The following ABHD12 variants were observed in gnomAD, a reference collection of about 807,000 sequenced individuals.
ABHD12 encodes the protein abhydrolase domain containing 12, lysophospholipase, also known as lysophosphatidylserine lipase ABHD12.
A neutral mutation model predicts 58.3 loss-of-function variants in ABHD12; 43 were observed. That is an observed-to-expected ratio of 0.74 (90% CI 0.58 to 0.95). The LOEUF (loss-of-function observed/expected upper bound fraction) is 0.95, where lower values mean the gene tolerates loss of function less well. Ranked by LOEUF, ABHD12 falls within the 40% of genes least tolerant of loss-of-function variation. The probability of loss-of-function intolerance (pLI) is 0.00; values close to 1 mark genes in which losing one functional copy is unlikely to be tolerated. For missense variants in ABHD12, 539 were observed against 537.2 expected, an observed-to-expected ratio of 1.00 and a Z score of -0.03; for synonymous variants, 219 against 211.2, an observed-to-expected ratio of 1.04 and a Z score of -0.32.
intron 1 of ABHD12, among the ~76,000 whole-genome samples, chr20:25,356,690 TGTGGCAGAGTGGCAG>T (rs1443052924): frequency 3.3e-5 from 5 of 152,192 alleles, no homozygotes; most frequent in African/African-American, 9.6e-5. Context: ...CCAGGAGCAC[TGTGGCAGAGTGGCAG>T]GTGGCAGAGT....
intron 1 of ABHD12, among the ~76,000 whole-genome samples, chr20:25,341,559 T>C (rs1320875410): frequency 6.6e-6 from 1 of 152,196 alleles, no homozygotes; most frequent in Admixed American, 6.5e-5. Context: ...TTCTCCTTAA[T>C]GCTTGGTGGG....
At chr20:25,298,711 C>T (rs1407288666), downstream of ABHD12, among the ~76,000 whole-genome samples, 1 of 152,220 alleles carries the variant, frequency 6.6e-6, no homozygotes, top group East Asian at 1.9e-4. Context: ...CCCTGGGGAC[C>T]AAAGCATCGC....
In ABHD12 at chr20:25,309,450, T is replaced by C. The variant is rs746860735; in HGVS notation, c.745A>G (p.Thr249Ala). 39 of 1,613,998 alleles carry C rather than the reference T, an allele frequency of 2.4e-5. No homozygotes were observed. Among genetic ancestry groups the C allele is most frequent in the Non-Finnish European group, 3.3e-5 (39 of 1,179,998 alleles). The change falls in exon 7 of 13, where the codon ACT (threonine) becomes GCT (alanine). Residue 249 changes from threonine (T) to alanine (A), a missense_variant. Transcript: ENST00000339157. ...CCTCCTGCTGGGGTCCCTTACCCAG[T>C]GCCCAGAGAGTGGCCCCAGATGTAC... ...PVYIWGHSLG[T>A]GVATNLVRRL...
In ABHD12 at chr20:25,390,778, C is replaced by T; in HGVS notation, c.-75G>A. The T allele has an allele frequency of 9.6e-7, 1 of 1,038,274 alleles. No homozygotes were observed. Among genetic ancestry groups the T allele is most frequent in the Non-Finnish European group, 1.2e-6 (1 of 822,004 alleles). The allele number at this position is 1,038,274 out of a possible 1,614,324, so 64.3% of individuals were successfully genotyped here. A position where few individuals can be genotyped will look rare whatever the true frequency, so the allele number is the denominator to read the frequency against. On this transcript the variant is annotated 5_prime_UTR_variant, in exon 1 of 13. Coordinates refer to ENST00000339157, the MANE Select transcript of ABHD12 (RefSeq NM_001042472.3). The stretch of plus-strand genomic sequence containing the variant: ...CAGTGCCGCCGCTCACAGCCGCCGC[C>T]ACCCAGAGCCCGGAGCCCGGAACCC...
chr20:25,298,830 G>C (rs952574847), downstream of ABHD12, among the ~76,000 whole-genome samples: 1 of 152,172 alleles, frequency 6.6e-6, no homozygotes, highest in Admixed American at 6.5e-5. Context: ...GGGCCTCCTT[G>C]GCCTCAGACC....
At chr20:25,295,661 G>T (rs1130694), downstream of ABHD12, 2 of 1,613,392 alleles carry the variant, frequency 1.2e-6, no homozygotes, top group Non-Finnish European at 1.7e-6. Flanking sequence ...AGGTGGACCA[G>T]CTGTACCGGG....
intron 1 of ABHD12, among the ~76,000 whole-genome samples, chr20:25,360,492 G>T (rs2089732321): frequency 6.6e-6 from 1 of 151,944 alleles, no homozygotes; most frequent in African/African-American, 2.4e-5. Flanking sequence ...ACCCGCCTTG[G>T]CCTCCTAAAG....
chr20:25,319,477 C>T (rs7343481), intron 4 of ABHD12, among the ~76,000 whole-genome samples: 83,646 of 152,052 alleles, frequency 0.55, 23,629 homozygotes, highest in Admixed American at 0.62. Context: ...TTCAGCCTCT[C>T]CCTCCTGCCC....
intron 1 of ABHD12, among the ~76,000 whole-genome samples, chr20:25,384,374 T>A (rs1265710630): frequency 6.6e-6 from 1 of 150,962 alleles, no homozygotes; most frequent in Admixed American, 6.6e-5. Flanking sequence ...TCTGAGTTAC[T>A]TACCAATGTT....
chr20:25,315,221 G>A (rs769233988), intron 5 of ABHD12, among the ~76,000 whole-genome samples: 40 of 152,156 alleles, frequency 2.6e-4, no homozygotes, highest in African/African-American at 9.2e-4. Context: ...CTGCTTAGAC[G>A]CTAGGGGGCC....
chr20:25,362,769 G>T (rs534633921), intron 1 of ABHD12, among the ~76,000 whole-genome samples: 2 of 151,760 alleles, frequency 1.3e-5, no homozygotes, highest in East Asian at 2.0e-4. Context: ...CCAACTCCCG[G>T]GTTCAAGCAA....
rs1276450612 is a variant in ABHD12, at chr20:25,295,038, A to G, written c.1158-8T>C. ...CCTGGGCCCTGCTGAGGTCTGTGAT[A>G]AAGGAAGTGCTTTTAAAATTGTGAA... On this transcript the variant is annotated splice_polypyrimidine_tract_variant and splice_region_variant and intron_variant, in intron 12 of 12. Coordinates refer to the ABHD12 transcript ENST00000376542. 10 of 1,614,038 alleles carry G rather than the reference A, an allele frequency of 6.2e-6. No individual in the cohort carries two copies. Among genetic ancestry groups the G allele is most frequent in the African/African-American group, 1.3e-5 (1 of 74,946 alleles).
At chr20:25,334,091 A>G (rs1349450826) in intron 2 of ABHD12, among the ~76,000 whole-genome samples, 1 of 151,936 alleles carries the variant, frequency 6.6e-6, no homozygotes, top group Non-Finnish European at 1.5e-5. Context: ...CCTTAAGCTG[A>G]TAAGCAACTT....
At chr20:25,355,005 C>G (rs1411080630) in intron 1 of ABHD12, among the ~76,000 whole-genome samples, 1 of 152,122 alleles carries the variant, frequency 6.6e-6, no homozygotes, top group Non-Finnish European at 1.5e-5. Context: ...ACATTATTTC[C>G]TAAGAGGTCT....
chr20:25,347,274 G>A (rs1440244496), intron 1 of ABHD12, among the ~76,000 whole-genome samples: 5 of 152,118 alleles, frequency 3.3e-5, no homozygotes, highest in Admixed American at 3.3e-4. Context: ...TTTGTCATCT[G>A]GAAATACTGC....
At chr20:25,317,188 ACCTCTTCCTTGGGT>A in intron 4 of ABHD12, 110 bp from the exon 5 acceptor site, 1 of 740,610 alleles carries the variant, frequency 1.4e-6, no homozygotes, top group South Asian at 1.5e-5. Flanking sequence ...AGAGGGCAGA[ACCTCTTCCTTGGGT>A]CCCCCTAAGT....
chr20:25,347,265 T>C (rs932188032), intron 1 of ABHD12, among the ~76,000 whole-genome samples: 2 of 152,162 alleles, frequency 1.3e-5, no homozygotes, highest in African/African-American at 4.8e-5. Flanking sequence ...GGACAGGAGT[T>C]TGTCATCTGG....
chr20:25,362,137 G>A lies in ABHD12; in HGVS notation c.192-22786C>T, dbSNP rs377221305. The stretch of plus-strand genomic sequence containing the variant: ...TAAAAATACACAGAAAAAATTAGCT[G>A]GGCGTGGTGGCACATGCCTGTAATT... On this transcript the variant is annotated intron_variant, in intron 1 of 12. Transcript: ENST00000339157. Among the ~76,000 whole-genome samples the A allele has an allele frequency of 6.4e-4, 98 of 152,202 alleles. No homozygotes were observed. The South Asian group carries it at 0.019, about 29-fold the overall frequency.
intron 1 of ABHD12, among the ~76,000 whole-genome samples, chr20:25,341,959 C>G (rs542398535): frequency 6.6e-6 from 1 of 152,206 alleles, no homozygotes; most frequent in South Asian, 2.1e-4. Flanking sequence ...TCCTTCAGCA[C>G]CTGCACAGAT....
Sources: allele counts gnomAD v4.1 joint callset (sites outside exome capture counted in the v4.1 genomes callset), GRCh38; gene constraint gnomAD v4.1.1; transcripts MANE v1.5; gene names NCBI Gene and HGNC (gene_info 2026-07-23, HGNC 2026-07-21).